ANK1: variants seen among roughly 807,000 people sequenced by gnomAD.
ANK1 encodes the protein ankyrin 1, also known as ankyrin-1.
A neutral mutation model predicts 210.4 loss-of-function variants in ANK1; 51 were observed. The ratio of observed to expected loss-of-function variants is 0.24; its 90% CI spans 0.19 to 0.31. The LOEUF (loss-of-function observed/expected upper bound fraction) is 0.31. Among genes scored for constraint, ANK1 ranks in the 10% least tolerant of loss-of-function variants. The pLI, the probability that ANK1 is intolerant of heterozygous loss-of-function variation, is 1.00. For missense variants in ANK1, 2,051 were observed against 2,504.4 expected (o/e 0.82, Z 3.86); for synonymous variants, 967 against 1,025.9 (o/e 0.94, Z 1.10).
rs754527476 is a variant in ANK1, at chr8:41,719,647, G to A, written c.1107+14C>T. ...CTGCCACTCTGCACCTTCTCCAGCA[G>A]CACCCCCACTCACCAGGGCTCTGGA... On this transcript the variant is annotated intron_variant, in intron 10 of 42. Coordinates refer to ENST00000289734, the MANE Select transcript of ANK1 (RefSeq NM_000037.4). 1 of 1,614,116 alleles carries A rather than the reference G, an allele frequency of 6.2e-7. No individual in the cohort carries two copies. Among genetic ancestry groups the A allele is most frequent in the East Asian group, 2.2e-5 (1 of 44,880 alleles).
At chr8:41,733,282 G>A (rs185885044) in intron 3 of ANK1, among the ~76,000 whole-genome samples, 6 of 152,264 alleles carry the variant, frequency 3.9e-5, no homozygotes, top group Admixed American at 2.0e-4. Context: ...GATCGTTAGC[G>A]AGGAGAGGAA....
intron 1 of ANK1, among the ~76,000 whole-genome samples, chr8:41,894,445 A>G (rs545706419): frequency 3.3e-5 from 5 of 152,354 alleles, no homozygotes; most frequent in Non-Finnish European, 5.9e-5. Context: ...GCAAAGAAGC[A>G]AAAAGAATAT....
intron 1 of ANK1, among the ~76,000 whole-genome samples, chr8:41,886,489 A>G (rs1818461021): frequency 6.6e-6 from 1 of 152,238 alleles, no homozygotes; most frequent in Non-Finnish European, 1.5e-5. Flanking sequence ...TTCCTGACGC[A>G]TGCTAAAGCT....
chr8:41,795,590 T>C (rs1370633921), intron 1 of ANK1, among the ~76,000 whole-genome samples: 1 of 152,058 alleles, frequency 6.6e-6, no homozygotes, highest in Non-Finnish European at 1.5e-5. Flanking sequence ...AATGAAATCA[T>C]GTCATTTGTA....
intron 39 of ANK1, chr8:41,665,174 C>T (rs768382043): frequency 1.3e-6 from 2 of 1,534,168 alleles, no homozygotes; most frequent in South Asian, 2.4e-5. Context: ...CTTGGTCTCT[C>T]ACTGTTTCTC....
intron 1 of ANK1, among the ~76,000 whole-genome samples, chr8:41,863,593 G>A (rs1360065318): frequency 6.6e-6 from 1 of 152,158 alleles, no homozygotes; most frequent in African/African-American, 2.4e-5. Flanking sequence ...TCACTTATTA[G>A]TAGTATACAA....
intron 12 of ANK1, 112 bp downstream of exon 12, chr8:41,717,492 G>A: frequency 7.7e-6 from 8 of 1,038,590 alleles, no homozygotes; most frequent in Non-Finnish European, 1.2e-5. Context: ...AGCATTGGCT[G>A]TTCTGGGAAT....
At chr8:41,743,651 C>A (rs1835340727) in intron 2 of ANK1, among the ~76,000 whole-genome samples, 1 of 152,112 alleles carries the variant, frequency 6.6e-6, no homozygotes, top group Non-Finnish European at 1.5e-5. Flanking sequence ...TCACACTGAG[C>A]AAACAAGTCA....
chr8:41,871,637 C>G (rs924507619), intron 1 of ANK1, among the ~76,000 whole-genome samples: 1 of 152,204 alleles, frequency 6.6e-6, no homozygotes, highest in African/African-American at 2.4e-5. Context: ...TGCTCTCCCA[C>G]AGTCCACCAA....
intron 1 of ANK1, among the ~76,000 whole-genome samples, chr8:41,814,517 C>T (rs1803015448): frequency 6.6e-6 from 1 of 152,096 alleles, no homozygotes; most frequent in Admixed American, 6.6e-5. Context: ...ATAAAGTTAT[C>T]AGAAACCTGT....
chr8:41,779,373 A>T (rs908640066), intron 1 of ANK1, among the ~76,000 whole-genome samples: 9 of 151,972 alleles, frequency 5.9e-5, no homozygotes, highest in African/African-American at 2.2e-4. Context: ...TCAGCCTCCC[A>T]AGCAGCTGGG....
chr8:41,707,099 T>C (rs890285711), intron 17 of ANK1, among the ~76,000 whole-genome samples: 9 of 152,058 alleles, frequency 5.9e-5, no homozygotes, highest in Non-Finnish European at 1.2e-4. Flanking sequence ...GACTCCATCT[T>C]AAATAAATAA....
rs1434644988 is a variant in ANK1 at position 41,673,280 on chromosome 8, A to G, written c.4538-368T>C. On this transcript the variant is annotated intron_variant, in intron 37 of 42. Coordinates refer to ENST00000289734, the MANE Select transcript of ANK1 (RefSeq NM_000037.4). Reference sequence around the variant, plus strand: ...TGTGCTCCAATCTGTCTCTGATCCCATGAAAGCTCCACTTCTCCATGGCTG... The same window carrying G: ...TGTGCTCCAATCTGTCTCTGATCCCGTGAAAGCTCCACTTCTCCATGGCTG... Among the ~76,000 whole-genome samples, 4 of 152,202 alleles carry G rather than the reference A, an allele frequency of 2.6e-5. No homozygotes were observed. In the East Asian group the frequency reaches 5.8e-4, roughly 22 times the overall value.
intron 24 of ANK1, 151 bp from the exon 25 acceptor site, chr8:41,696,924 C>A: frequency 1.3e-6 from 1 of 760,828 alleles, no homozygotes; most frequent in Non-Finnish European, 2.2e-6. Context: ...CCCTGTCAGA[C>A]AAGGCCGTCC....
At chr8:41,821,236 A>T (rs1470208522) in intron 1 of ANK1, among the ~76,000 whole-genome samples, 1 of 152,236 alleles carries the variant, frequency 6.6e-6, no homozygotes, top group African/African-American at 2.4e-5. Flanking sequence ...AATATACAAC[A>T]TATACAAAAT....
At chr8:41,740,442 G>A (rs1165383305) in intron 2 of ANK1, among the ~76,000 whole-genome samples, 1 of 142,794 alleles carries the variant, frequency 7.0e-6, no homozygotes, top group African/African-American at 2.5e-5. Flanking sequence ...TTACAGGCGT[G>A]AGCCACCACG....
At chr8:41,791,874 G>C (rs1847807419) in intron 1 of ANK1, among the ~76,000 whole-genome samples, 1 of 151,844 alleles carries the variant, frequency 6.6e-6, no homozygotes, top group African/African-American at 2.4e-5. Flanking sequence ...AGCTTTCTCA[G>C]GAAGGAAAAC....
chr8:41,820,326 AATGTGTGTGT>A (rs1804027091), intron 1 of ANK1, among the ~76,000 whole-genome samples: 1 of 102,358 alleles, frequency 9.8e-6, no homozygotes, highest in Admixed American at 1.0e-4. Context: ...CACCAAGCTA[AATGTGTGTGT>A]GTGTGTGTGT....
chr8:41,792,616 G>A (rs777810730), intron 1 of ANK1, among the ~76,000 whole-genome samples: 1 of 152,176 alleles, frequency 6.6e-6, no homozygotes, highest in Non-Finnish European at 1.5e-5. Context: ...CCTCCCGCCC[G>A]CTCACAGCGT....
Sources: gnomAD v4.1 joint callset for allele counts (sites outside exome capture counted in the v4.1 genomes callset) on GRCh38, gnomAD v4.1.1 for gene constraint, MANE v1.5 for transcripts, NCBI Gene and HGNC (gene_info 2026-07-23, HGNC 2026-07-21) for gene names.